NOS1: variants seen among roughly 807,000 people sequenced by gnomAD.
NOS1 encodes NOS type I.
A neutral mutation model predicts 164.5 loss-of-function variants in NOS1; 51 were observed. That is an observed-to-expected ratio of 0.31 (90% CI 0.25 to 0.39). NOS1 has a LOEUF of 0.39. NOS1 is among the 10% of genes least tolerant of loss of function. The probability of loss-of-function intolerance (pLI) is 1.00; values close to 1 mark genes in which losing one functional copy is unlikely to be tolerated. For missense variants in NOS1, 1,362 were observed against 1,885.6 expected (o/e 0.72, Z 5.14); for synonymous variants, 719 against 745.8 (o/e 0.96, Z 0.59).
chr12:117,333,180 C>T (rs888661766), intron 1 of NOS1, among the ~76,000 whole-genome samples: 3 of 152,134 alleles, frequency 2.0e-5, no homozygotes, highest in African/African-American at 7.2e-5. Context: ...TAGTTTGTTG[C>T]AAGTTCAAAA....
At chr12:117,244,029 G>A (rs371069169) in intron 18 of NOS1, among the ~76,000 whole-genome samples, 15 of 152,258 alleles carry the variant, frequency 9.9e-5, no homozygotes, top group African/African-American at 2.4e-4. Context: ...ATTCTATTGC[G>A]TCATTTATTC....
chr12:117,331,077 A>G lies in NOS1; in HGVS notation c.-8T>C. 2 of 1,603,230 alleles carry G rather than the reference A, an allele frequency of 1.2e-6. No homozygotes were observed. The highest frequency in any genetic ancestry group is 1.1e-5 in the South Asian group (1 of 88,998). Reference sequence around the variant, plus strand: ...GAACATGTGATCCTCCATGGTAACTAGCTTCCGAGGGGTCCTGTCTGAAGA... The same window carrying G: ...GAACATGTGATCCTCCATGGTAACTGGCTTCCGAGGGGTCCTGTCTGAAGA... On this transcript the variant is annotated 5_prime_UTR_variant, in exon 2 of 29. Transcript: ENST00000317775.
intron 4 of NOS1, among the ~76,000 whole-genome samples, chr12:117,288,937 T>A (rs2139733): frequency 0.4 from 60,212 of 151,960 alleles, 12,493 homozygotes; most frequent in Admixed American, 0.5. Flanking sequence ...TACAGATGCA[T>A]GAGAAAGCCT....
intron 20 of NOS1, among the ~76,000 whole-genome samples, chr12:117,236,375 A>G (rs77267675): frequency 0.017 from 2,627 of 152,192 alleles, 74 homozygotes; most frequent in African/African-American, 0.059. Context: ...ACCATTATTA[A>G]AAAGAGTTGA....
At chr12:117,354,403 C>T (rs1019963990) in intron 1 of NOS1, among the ~76,000 whole-genome samples, 10 of 149,654 alleles carry the variant, frequency 6.7e-5, no homozygotes, top group Middle Eastern at 3.5e-3. Context: ...CCAGCTAAGA[C>T]TTATAACAAA....
intron 11 of NOS1, among the ~76,000 whole-genome samples, chr12:117,267,276 TG>T (rs1377302210): frequency 2.6e-5 from 4 of 152,172 alleles, no homozygotes; most frequent in Non-Finnish European, 5.9e-5. Context: ...TTATTACTAG[TG>T]TCGCCCTCTG....
chr12:117,222,805 A>G lies in NOS1; in HGVS notation c.3885T>C (p.His1295=), dbSNP rs1455184845. The G allele has an allele frequency of 1.2e-6, 2 of 1,613,770 alleles. No individual in the cohort carries two copies. The highest frequency in any genetic ancestry group is 1.7e-6 in the Non-Finnish European group (2 of 1,179,988). Residue 1295 remains histidine (H), a synonymous_variant, in exon 26 of 29, where the codon CAT becomes CAC. Coordinates refer to ENST00000317775, the MANE Select transcript of NOS1 (RefSeq NM_000620.5). ...CCTGCAGGGTCTCTTCCCTGTAGAT[A>G]TGATCTATCTTGGATTGCCGGCACC... The part of the protein sequence containing the change: ...VFGCRQSKID[H]IYREETLQAK...
At chr12:117,312,108 A>C (rs1434328088) in intron 2 of NOS1, among the ~76,000 whole-genome samples, 1 of 152,230 alleles carries the variant, frequency 6.6e-6, no homozygotes, top group African/African-American at 2.4e-5. Context: ...AGCTCAGGAC[A>C]AACAGAATGA....
intron 1 of NOS1, among the ~76,000 whole-genome samples, chr12:117,352,349 C>T (rs1024316601): frequency 5.3e-5 from 8 of 152,154 alleles, no homozygotes; most frequent in African/African-American, 1.9e-4. Context: ...CCCTCTCAAG[C>T]TCAAGTGCAT....
At chr12:117,294,951 T>C (rs1873314475) in intron 3 of NOS1, among the ~76,000 whole-genome samples, 1 of 152,138 alleles carries the variant, frequency 6.6e-6, no homozygotes, top group African/African-American at 2.4e-5. Context: ...TGAAAGGAAA[T>C]GGTCCTGCAG....
chr12:117,299,930 A>T (rs1873703657), intron 3 of NOS1, among the ~76,000 whole-genome samples: 1 of 152,064 alleles, frequency 6.6e-6, no homozygotes, highest in Non-Finnish European at 1.5e-5. Flanking sequence ...GTATATATAC[A>T]CTAGGAATTA....
rs765165740 is a variant in NOS1, at chr12:117,225,089, G to A, written c.3753C>T (p.Leu1251=). 10 of 1,614,012 alleles carry A rather than the reference G, an allele frequency of 6.2e-6. No homozygotes were observed. Among genetic ancestry groups the A allele is most frequent in the South Asian group, 1.1e-5 (1 of 91,068 alleles). Residue 1251 remains leucine, a synonymous_variant, in exon 25 of 29, where the codon CTC becomes CTT. Transcript: ENST00000317775. The part of the protein sequence containing the change: ...LPRNPQVPCI[L]VGPGTGIAPF... ...GGGCAATGCCGGTGCCTGGTCCAAC[G>A]AGGATGCAGGGGACTTGGGGGTTCC...
chr12:117,242,971 A>C (rs1307982918), intron 19 of NOS1, among the ~76,000 whole-genome samples: 1 of 152,234 alleles, frequency 6.6e-6, no homozygotes, highest in Admixed American at 6.5e-5. Context: ...AATGAGAGAC[A>C]GAAGAGAGGA....
chr12:117,337,106 CTTTTTTTTTTTTTTT>C (rs36054002), intron 1 of NOS1, among the ~76,000 whole-genome samples: 12 of 64,328 alleles, frequency 1.9e-4, no homozygotes, highest in African/African-American at 4.2e-4. Flanking sequence ...GCTTTTTACT[CTTTTTTTTTTTTTTT>C]TTTTTTTTTT....
intron 1 of NOS1, among the ~76,000 whole-genome samples, chr12:117,343,764 G>T (rs757454490): frequency 2.4e-4 from 37 of 152,108 alleles, no homozygotes; most frequent in Admixed American, 5.2e-4. Context: ...GGCATCCTTG[G>T]GTGCTTTCTG....
chr12:117,295,868 A>T (rs1873383534), intron 3 of NOS1, among the ~76,000 whole-genome samples: 1 of 150,962 alleles, frequency 6.6e-6, no homozygotes, highest in African/African-American at 2.4e-5. Context: ...ACCTCAGGTG[A>T]TCTGCCCACC....
At chr12:117,246,960 A>G (rs920736505) in intron 18 of NOS1, among the ~76,000 whole-genome samples, 4 of 152,170 alleles carry the variant, frequency 2.6e-5, no homozygotes, top group African/African-American at 9.7e-5. Flanking sequence ...AAGATCTAGT[A>G]CAAGAGGGGT....
chr12:117,274,286 C>T (rs530548967), intron 9 of NOS1, among the ~76,000 whole-genome samples: 10 of 151,986 alleles, frequency 6.6e-5, no homozygotes, highest in African/African-American at 1.9e-4. Flanking sequence ...ACAGTTAGGA[C>T]GGCAATTATA....
rs1221726649 is a variant in NOS1, at chr12:117,212,270, G to A, written c.*3039C>T. ...ATTCAATCCACCTTGTTATACAGGT[G>A]GGTATGCAGACTCTAAAAGGTCAAG... On this transcript the variant is annotated 3_prime_UTR_variant, in exon 29 of 29. Transcript: ENST00000317775. 1.0e-6 allele frequency: 1 copy of A among 985,186 alleles called. No individual in the cohort carries two copies. Among genetic ancestry groups the A allele is most frequent in the African/African-American group, 1.7e-5 (1 of 57,212 alleles). The allele number at this position is 985,186 out of a possible 1,614,324, so 61.0% of individuals were successfully genotyped here.
Sources: allele counts gnomAD v4.1 joint callset (sites outside exome capture counted in the v4.1 genomes callset), GRCh38; gene constraint gnomAD v4.1.1; transcripts MANE v1.5; gene names NCBI Gene and HGNC (gene_info 2026-07-23, HGNC 2026-07-21).